The following HS3ST2 variants were observed in gnomAD, a reference collection of about 807,000 sequenced individuals.
HS3ST2 encodes the protein heparan sulfate-glucosamine 3-sulfotransferase 2.
A neutral mutation model predicts 26.3 loss-of-function variants in HS3ST2; 17 were observed. The observed-to-expected ratio is 0.65, with a 90% CI of 0.44 to 0.97. HS3ST2 has a LOEUF of 0.97. Among genes scored for constraint, HS3ST2 ranks in the 50% least tolerant of loss-of-function variants. The probability of loss-of-function intolerance (pLI) is 0.00; values close to 1 mark genes in which losing one functional copy is unlikely to be tolerated. For missense variants in HS3ST2, 402 were observed against 501.2 expected (o/e 0.80, Z 1.89); for synonymous variants, 237 against 219.2 (o/e 1.08, Z -0.72).
intron 1 of HS3ST2, among the ~76,000 whole-genome samples, chr16:22,914,120 G>A (rs1294817115): frequency 2.0e-5 from 3 of 151,626 alleles, no homozygotes; most frequent in African/African-American, 7.3e-5. Context: ...TTGGGAGACA[G>A]AGTGAAGTGA....
rs550185680 is a variant in HS3ST2, at chr16:22,870,899, T to G, written c.486-44045T>G. Among the ~76,000 whole-genome samples the G allele has an allele frequency of 1.2e-4, 18 of 152,338 alleles. 1 individual carries two copies. In the South Asian group the frequency reaches 3.5e-3, roughly 30 times the overall value. ...TTAACTGTTAGATATAGATGATCCG[T>G]AACTTACAATGGTTCAACTTAAGAT... On this transcript the variant is annotated intron_variant, in intron 1 of 1. Coordinates refer to ENST00000261374, the MANE Select transcript of HS3ST2 (RefSeq NM_006043.2).
intron 1 of HS3ST2, among the ~76,000 whole-genome samples, chr16:22,841,988 T>TC: frequency 6.6e-6 from 1 of 152,142 alleles, no homozygotes; most frequent in African/African-American, 2.4e-5. Context: ...AGACAATCTG[T>TC]CTTTTTTTTT....
intron 1 of HS3ST2, chr16:22,854,867 T>G (rs1408054653): frequency 6.6e-6 from 1 of 152,236 alleles, no homozygotes; most frequent in East Asian, 1.9e-4. Flanking sequence ...ATCAAACTAC[T>G]GGGCTCAAGT....
chr16:22,892,406 T>C (rs1401322964), intron 1 of HS3ST2, among the ~76,000 whole-genome samples: 2 of 152,146 alleles, frequency 1.3e-5, no homozygotes, highest in Non-Finnish European at 2.9e-5. Context: ...AATATCCAAG[T>C]ACACAAATAC....
intron 1 of HS3ST2, among the ~76,000 whole-genome samples, chr16:22,872,888 C>A (rs1390075190): frequency 1.3e-5 from 2 of 152,166 alleles, no homozygotes; most frequent in Admixed American, 6.5e-5. Flanking sequence ...TCCAGACTTT[C>A]AACCACCAGT....
Position 22,851,434 on chromosome 16 carries a change from T to C in HS3ST2, c.485+36339T>C, listed in dbSNP as rs540817005. Among the ~76,000 whole-genome samples, 6 of 152,346 alleles carry C rather than the reference T, an allele frequency of 3.9e-5. No homozygotes were observed. The South Asian group carries it at 1.0e-3, about 26-fold the overall frequency. On this transcript the variant is annotated intron_variant, in intron 1 of 1. Transcript: ENST00000261374. Reference sequence around the variant, plus strand: ...TTGCTCAAAATCAAAGAGCCAATAATTGGCAAAACTAGAATTAGAACTTAG... The same window carrying C: ...TTGCTCAAAATCAAAGAGCCAATAACTGGCAAAACTAGAATTAGAACTTAG...
chr16:22,855,376 G>A (rs1901575298), intron 1 of HS3ST2, among the ~76,000 whole-genome samples: 1 of 152,130 alleles, frequency 6.6e-6, no homozygotes, highest in African/African-American at 2.4e-5. Context: ...CCCAGCCCTG[G>A]CTTGTGACTT....
At chr16:22,850,495 C>A (rs568893175) in intron 1 of HS3ST2, among the ~76,000 whole-genome samples, 1 of 152,166 alleles carries the variant, frequency 6.6e-6, no homozygotes, top group East Asian at 1.9e-4. Flanking sequence ...TATTCAGAAT[C>A]TCTCATATAA....
chr16:22,819,616 ACT>A (rs1900958611), intron 1 of HS3ST2, among the ~76,000 whole-genome samples: 1 of 152,076 alleles, frequency 6.6e-6, no homozygotes, highest in African/African-American at 2.4e-5. Context: ...GTGATAATTG[ACT>A]CTGTGTTCTG....
intron 1 of HS3ST2, among the ~76,000 whole-genome samples, chr16:22,877,677 A>G (rs959843462): frequency 6.6e-6 from 1 of 152,192 alleles, no homozygotes; most frequent in Non-Finnish European, 1.5e-5. Context: ...AAATCATCCT[A>G]CAGGATGTAT....
chr16:22,849,085 A>G (rs963626880), intron 1 of HS3ST2, among the ~76,000 whole-genome samples: 3 of 152,208 alleles, frequency 2.0e-5, no homozygotes, highest in African/African-American at 7.2e-5. Flanking sequence ...CGCATCTAAG[A>G]AACGGGAATG....
rs139170164 is a variant in HS3ST2 at position 22,915,891 on chromosome 16, G to T, written c.*329G>T. ...TCCAATGATGATAGATATTATAAGC[G>T]ATGATGGTTCTGTTGCTATGAACAC... On this transcript the variant is annotated 3_prime_UTR_variant, in exon 2 of 2. Transcript: ENST00000261374. 400 of 293,040 alleles carry T rather than the reference G, an allele frequency of 1.4e-3. 7 individuals carry two copies. In the East Asian group the frequency reaches 0.021, roughly 16 times the overall value. The allele number at this position is 293,040 out of a possible 1,614,324, so 18.2% of individuals were successfully genotyped here. A position where few individuals can be genotyped will look rare whatever the true frequency, so the allele number is the denominator to read the frequency against.
intron 1 of HS3ST2, among the ~76,000 whole-genome samples, chr16:22,832,892 C>A (rs1297335903): frequency 6.6e-6 from 1 of 151,880 alleles, no homozygotes; most frequent in Non-Finnish European, 1.5e-5. Context: ...TGTTGCTCAC[C>A]CCACCCACCC....
At chr16:22,866,369 CGT>C (rs55757233) in intron 1 of HS3ST2, among the ~76,000 whole-genome samples, 33,266 of 143,530 alleles carry the variant, frequency 0.23, 4,035 homozygotes, top group Non-Finnish European at 0.28. Flanking sequence ...ATATGGTGTG[CGT>C]GTGTGTGTGT....
intron 1 of HS3ST2, among the ~76,000 whole-genome samples, chr16:22,822,110 G>T (rs1195320192): frequency 6.6e-6 from 1 of 152,182 alleles, no homozygotes; most frequent in Non-Finnish European, 1.5e-5. Flanking sequence ...AGTTATTTGG[G>T]AGGGAGAATT....
At chr16:22,817,480 G>T (rs899178656) in intron 1 of HS3ST2, among the ~76,000 whole-genome samples, 6 of 152,164 alleles carry the variant, frequency 3.9e-5, no homozygotes, top group African/African-American at 1.4e-4. Flanking sequence ...ACATCTTTCT[G>T]TATGTAAAGA....
chr16:22,871,080 G>A (rs983553063), intron 1 of HS3ST2, among the ~76,000 whole-genome samples: 1 of 152,140 alleles, frequency 6.6e-6, no homozygotes, highest in Non-Finnish European at 1.5e-5. Context: ...TTTGTGGGCC[G>A]GGCGCAGTGG....
intron 1 of HS3ST2, among the ~76,000 whole-genome samples, chr16:22,815,324 T>C (rs12444290): frequency 1.0e-3 from 154 of 152,282 alleles, no homozygotes; most frequent in African/African-American, 3.5e-3. Flanking sequence ...ACTGGAGTCG[T>C]TGGAAAAGGA....
intron 1 of HS3ST2, among the ~76,000 whole-genome samples, chr16:22,877,798 C>T (rs142747979): frequency 1.4e-3 from 217 of 152,330 alleles, no homozygotes; most frequent in African/African-American, 4.9e-3. Context: ...CAAGGTGTTG[C>T]TTGTCTGACC....
Sources: gnomAD v4.1 joint callset for allele counts (sites outside exome capture counted in the v4.1 genomes callset) on GRCh38, gnomAD v4.1.1 for gene constraint, MANE v1.5 for transcripts, NCBI Gene and HGNC (gene_info 2026-07-23, HGNC 2026-07-21) for gene names.